The following COL22A1 variants were observed in gnomAD, a reference collection of about 807,000 sequenced individuals.
The protein encoded by COL22A1 is collagen alpha-1(XXII) chain.
Under a neutral mutation model 248.9 loss-of-function variants are expected in COL22A1, and 221 were observed. The observed-to-expected ratio is 0.89, with a 90% confidence interval of 0.80 to 0.99. COL22A1 has a LOEUF of 0.99. Ranked by LOEUF, COL22A1 falls within the 50% of genes least tolerant of loss-of-function variation. COL22A1 has a pLI of 0.00. For synonymous variants in COL22A1, 891 were observed against 793.4 expected (o/e 1.12, Z -2.07); for missense variants, 2,240 against 2,179.0 (o/e 1.03, Z -0.56).
intron 31 of COL22A1, among the ~76,000 whole-genome samples, chr8:138,700,988 CAAAAAAA>C (rs5895554): frequency 3.7e-5 from 2 of 54,704 alleles, no homozygotes; most frequent in African/African-American, 1.6e-4. Context: ...GACTCCGTCT[CAAAAAAA>C]AAAAAAAAAA....
At chr8:138,827,180 C>T (rs1819657021) in intron 5 of COL22A1, 1 of 190,422 alleles carries the variant, frequency 5.3e-6, no homozygotes, top group Non-Finnish European at 1.1e-5. Context: ...ATACCTTATC[C>T]TGCTTGGTGC....
chr8:138,713,882 G>A (rs558592033), intron 30 of COL22A1, among the ~76,000 whole-genome samples: 3 of 152,246 alleles, frequency 2.0e-5, no homozygotes, highest in African/African-American at 7.2e-5. Flanking sequence ...ACACTATCCT[G>A]GGTGCTGGCT....
chr8:138,809,735 G>T (rs1818047732), intron 9 of COL22A1, among the ~76,000 whole-genome samples: 1 of 151,890 alleles, frequency 6.6e-6, no homozygotes, highest in Non-Finnish European at 1.5e-5. Flanking sequence ...GGCCAGGCTG[G>T]TCTCAAACTC....
At chr8:138,894,381 G>A (rs1215121190) in intron 1 of COL22A1, among the ~76,000 whole-genome samples, 4 of 152,196 alleles carry the variant, frequency 2.6e-5, no homozygotes, top group Non-Finnish European at 5.9e-5. Flanking sequence ...TGGGCAAAGT[G>A]GTCCAGCTGC....
At position 138,636,662 on chromosome 8, in the gene COL22A1, A is replaced by T. The variant is rs925716402; in HGVS notation, c.3555+80T>A. The T allele has an allele frequency of 5.7e-5, 57 of 991,988 alleles. No homozygotes were observed. In the Admixed American group the frequency reaches 1.1e-3, roughly 19 times the overall value. 61.4% of individuals were successfully genotyped at this position (991,988 alleles called of 1,614,324 possible). A position where few individuals can be genotyped will look rare whatever the true frequency, so the allele number is the denominator to read the frequency against. ...ACAGGCAAAGAAGAGACAAGGAATG[A>T]CATTGTACAATGGAAGCCACCTGGG... On this transcript the variant is annotated intron_variant, in intron 48 of 64. Coordinates refer to ENST00000303045, the MANE Select transcript of COL22A1 (RefSeq NM_152888.3).
At position 138,806,084 on chromosome 8, in the gene COL22A1, GTA is replaced by G. The variant is rs1563788358; in HGVS notation, c.1494+1682_1494+1683del. 7.5e-3 allele frequency among the ~76,000 whole-genome samples: 73 copies of G among 9,706 alleles called. 12 individuals carry two copies. Among genetic ancestry groups the G allele is most frequent in the South Asian group, 0.011 (2 of 190 alleles). 6.4% of individuals were successfully genotyped at this position (9,706 alleles called of 152,430 possible). ...TGTGGTGGTGTGTGTGATGGTGTGTGTAATGGTGTGTGATGGTGTGTTTGTGT... is the reference window on the plus strand; with the variant it reads ...TGTGGTGGTGTGTGTGATGGTGTGTGATGGTGTGTGATGGTGTGTTTGTGT... On this transcript the variant is annotated intron_variant, in intron 10 of 64. Transcript: ENST00000303045.
At chr8:138,873,141 GCAA>G (rs1823464248) in intron 3 of COL22A1, among the ~76,000 whole-genome samples, 1 of 152,068 alleles carries the variant, frequency 6.6e-6, no homozygotes, top group African/African-American at 2.4e-5. Context: ...CCTGTCCCCT[GCAA>G]TCCTGGACAG....
intron 52 of COL22A1, chr8:138,619,961 G>A (rs1306417810): frequency 1.7e-5 from 3 of 180,126 alleles, no homozygotes; most frequent in Admixed American, 5.4e-5. Flanking sequence ...AATTCCAGCT[G>A]AGCGCCACAC....
chr8:138,707,240 C>T (rs1026998381), intron 30 of COL22A1, among the ~76,000 whole-genome samples: 2 of 152,180 alleles, frequency 1.3e-5, no homozygotes, highest in Non-Finnish European at 2.9e-5. Context: ...CCTTCTGAAA[C>T]TATTCCAATC....
chr8:138,616,598 C>T (rs961278204), intron 54 of COL22A1, among the ~76,000 whole-genome samples: 36 of 152,184 alleles, frequency 2.4e-4, no homozygotes, highest in African/African-American at 8.7e-4. Flanking sequence ...TCCTCCTCTG[C>T]AAAAAGAACC....
chr8:138,749,671 C>G (rs1318015597), intron 22 of COL22A1, among the ~76,000 whole-genome samples: 1 of 152,170 alleles, frequency 6.6e-6, no homozygotes, highest in African/African-American at 2.4e-5. Context: ...AAGAAGTAAA[C>G]CGGCCTGGAG....
intron 3 of COL22A1, among the ~76,000 whole-genome samples, chr8:138,868,308 AG>A: frequency 6.6e-6 from 1 of 152,088 alleles, no homozygotes; most frequent in African/African-American, 2.4e-5. Flanking sequence ...ATCACTTCCA[AG>A]GGGGCAAAAT....
intron 47 of COL22A1, among the ~76,000 whole-genome samples, chr8:138,638,021 T>C (rs1041666363): frequency 1.3e-5 from 2 of 150,938 alleles, no homozygotes; most frequent in Non-Finnish European, 2.9e-5. Flanking sequence ...ACCATGACTA[T>C]TGTCATCACC....
chr8:138,702,998 C>A (rs4997843), intron 31 of COL22A1, among the ~76,000 whole-genome samples: 5 of 152,048 alleles, frequency 3.3e-5, no homozygotes, highest in African/African-American at 1.2e-4. Flanking sequence ...TGCAGTCTTA[C>A]GCTGGGCAAA....
intron 22 of COL22A1, among the ~76,000 whole-genome samples, chr8:138,744,060 G>C (rs1480335195): frequency 6.6e-6 from 1 of 152,154 alleles, no homozygotes; most frequent in Non-Finnish European, 1.5e-5. Flanking sequence ...CAGGTGCGCA[G>C]GGAAAACCCA....
At chr8:138,683,430 G>A (rs1178126705) in intron 39 of COL22A1, among the ~76,000 whole-genome samples, 1 of 152,086 alleles carries the variant, frequency 6.6e-6, no homozygotes, top group Non-Finnish European at 1.5e-5. Context: ...TCTGAATTGT[G>A]GGTGCAACTG....
At chr8:138,854,247 A>T (rs936556053) in intron 3 of COL22A1, among the ~76,000 whole-genome samples, 5 of 152,180 alleles carry the variant, frequency 3.3e-5, no homozygotes, top group African/African-American at 1.2e-4. Flanking sequence ...GCATGAACAC[A>T]TCCTGGGTGT....
In COL22A1 at chr8:138,857,262, G is replaced by A. The variant is rs141018808; in HGVS notation, c.659-13104C>T. 2.3e-4 allele frequency among the ~76,000 whole-genome samples: 35 copies of A among 152,250 alleles called. 1 individual carries two copies. The East Asian group carries it at 6.8e-3, about 30-fold the overall frequency. ...TCCACTACCACTGCTCACACTCAGA[G>A]CCCACCCTCACCACAGCTCTGCCCC... On this transcript the variant is annotated intron_variant, in intron 3 of 64. Transcript: ENST00000303045.
Position 138,726,498 on chromosome 8 carries a change from C to CAAAAAAAAAAA in COL22A1, c.2140-1069_2140-1059dup, listed in dbSNP as rs371982028. Among the ~76,000 whole-genome samples the CAAAAAAAAAAA allele has an allele frequency of 1.9e-3, 179 of 95,482 alleles. 1 individual carries two copies. Among genetic ancestry groups the CAAAAAAAAAAA allele is most frequent in the African/African-American group, 5.4e-3 (140 of 25,700 alleles). The allele number at this position is 95,482 out of a possible 152,430, so 62.6% of individuals were successfully genotyped here. ...GGTGCAGAGCAATATCCTGTATCTACAAAAAAAAAAAAAAAGAAAGAAAAA... is the reference window on the plus strand; with the variant it reads ...GGTGCAGAGCAATATCCTGTATCTACAAAAAAAAAAAAAAAAAAAAAAAAAAGAAAGAAAAA... On this transcript the variant is annotated intron_variant, in intron 23 of 64. Transcript: ENST00000303045.
Sources: allele counts gnomAD v4.1 joint callset (sites outside exome capture counted in the v4.1 genomes callset), GRCh38; gene constraint gnomAD v4.1.1; transcripts MANE v1.5; gene names NCBI Gene and HGNC (gene_info 2026-07-23, HGNC 2026-07-21).